Variants in DSCAML1 observed in about 807,000 individuals in gnomAD.
DSCAML1 encodes DS cell adhesion molecule like 1.
In DSCAML1, 38 loss-of-function variants were observed where a neutral mutation model predicts 200.5. That is an observed-to-expected ratio of 0.19 (90% CI 0.15 to 0.25). The LOEUF (loss-of-function observed/expected upper bound fraction) is 0.25, where lower values mean the gene tolerates loss of function less well. Ranked by LOEUF, DSCAML1 falls within the 10% of genes least tolerant of loss-of-function variation. DSCAML1 has a pLI of 1.00. For synonymous variants in DSCAML1, 1,215 were observed against 1,165.0 expected, an observed-to-expected ratio of 1.04 and a Z score of -0.87; for missense variants, 2,223 against 2,858.8, an observed-to-expected ratio of 0.78 and a Z score of 5.07.
chr11:117,750,036 T>C (rs956573432), intron 3 of DSCAML1, among the ~76,000 whole-genome samples: 4 of 152,214 alleles, frequency 2.6e-5, no homozygotes, highest in Non-Finnish European at 4.4e-5. Context: ...AAGGGTACCC[T>C]AGAAATTGGA....
intron 3 of DSCAML1, among the ~76,000 whole-genome samples, chr11:117,602,973 G>C (rs2051492834): frequency 6.6e-6 from 1 of 152,158 alleles, no homozygotes; most frequent in South Asian, 2.1e-4. Flanking sequence ...GCGTGAACCT[G>C]TAATCCCAGC....
At chr11:117,668,891 T>C (rs935474735) in intron 3 of DSCAML1, 2 of 152,150 alleles carry the variant, frequency 1.3e-5, no homozygotes, top group African/African-American at 2.4e-5. Context: ...TCAGTTTCAC[T>C]GTAGTGATAG....
chr11:117,810,189 G>A (rs894528122), intron 1 of DSCAML1, among the ~76,000 whole-genome samples: 3 of 151,872 alleles, frequency 2.0e-5, no homozygotes, highest in African/African-American at 7.3e-5. Flanking sequence ...TTCTGATAGA[G>A]ACAAAGGAGA....
chr11:117,744,573 G>A (rs999681011), intron 3 of DSCAML1, among the ~76,000 whole-genome samples: 3 of 152,186 alleles, frequency 2.0e-5, no homozygotes, highest in Non-Finnish European at 4.4e-5. Context: ...CCTCCTCTGC[G>A]TCCTGCCAGG....
chr11:117,446,285 A>G (rs1461068710), intron 20 of DSCAML1, among the ~76,000 whole-genome samples: 2 of 152,158 alleles, frequency 1.3e-5, no homozygotes, highest in African/African-American at 4.8e-5. Context: ...AATCGCTTGA[A>G]CCTGGGAGGT....
At chr11:117,486,911 CTTTTTT>C (rs56805170) in intron 11 of DSCAML1, among the ~76,000 whole-genome samples, 9 of 79,668 alleles carry the variant, frequency 1.1e-4, no homozygotes, top group East Asian at 4.2e-4. Context: ...TGTAAAATAC[CTTTTTT>C]TTTTTTTTTT....
At chr11:117,759,741 AAAG>A (rs57353377) in intron 3 of DSCAML1, among the ~76,000 whole-genome samples, 104,253 of 151,626 alleles carry the variant, frequency 0.69, 37,840 homozygotes, top group East Asian at 0.84. Flanking sequence ...AGCAGTGAAA[AAAG>A]AAGGCCTCGC....
At chr11:117,640,185 G>A (rs142123647) in intron 3 of DSCAML1, among the ~76,000 whole-genome samples, 47 of 152,192 alleles carry the variant, frequency 3.1e-4, no homozygotes, top group African/African-American at 9.9e-4. Context: ...TCCTTCCTCC[G>A]TTCTTCCTCA....
intron 3 of DSCAML1, among the ~76,000 whole-genome samples, chr11:117,644,245 C>T (rs1042337437): frequency 1.3e-5 from 2 of 152,260 alleles, no homozygotes; most frequent in African/African-American, 2.4e-5. Flanking sequence ...AAGCCTCCTC[C>T]GAGGAAACAA....
chr11:117,604,910 C>G (rs1402168301), intron 3 of DSCAML1, among the ~76,000 whole-genome samples: 15 of 152,294 alleles, frequency 9.8e-5, no homozygotes, highest in African/African-American at 3.6e-4. Context: ...CTGGGGATGG[C>G]CACTGCCTGG....
At chr11:117,468,534 C>G (rs2048627015) in intron 16 of DSCAML1, among the ~76,000 whole-genome samples, 2 of 152,268 alleles carry the variant, frequency 1.3e-5, no homozygotes, top group Non-Finnish European at 2.9e-5. Context: ...TGGAGTGTTT[C>G]TAGGATACAG....
At chr11:117,698,365 G>A (rs1166892773) in intron 3 of DSCAML1, among the ~76,000 whole-genome samples, 2 of 152,274 alleles carry the variant, frequency 1.3e-5, no homozygotes, top group East Asian at 3.9e-4. Context: ...GCCTTTAGCA[G>A]CTCCACTAAA....
At chr11:117,700,915 C>T (rs2053656119) in intron 3 of DSCAML1, among the ~76,000 whole-genome samples, 1 of 152,240 alleles carries the variant, frequency 6.6e-6, no homozygotes, top group South Asian at 2.1e-4. Context: ...CAAAGCATTT[C>T]AGGTCCTTCC....
intron 3 of DSCAML1, among the ~76,000 whole-genome samples, chr11:117,619,646 C>G (rs1287176286): frequency 6.6e-6 from 1 of 151,758 alleles, no homozygotes; most frequent in Non-Finnish European, 1.5e-5. Context: ...CATGTTGGTA[C>G]ACTTAAAGGG....
chr11:117,737,133 G>A (rs751099211), intron 3 of DSCAML1, among the ~76,000 whole-genome samples: 18 of 152,120 alleles, frequency 1.2e-4, no homozygotes, highest in Non-Finnish European at 2.4e-4. Flanking sequence ...GAAAGAACAC[G>A]GTCCTATGAA....
rs56805170 is a variant in DSCAML1 at position 117,486,911 on chromosome 11, C to CTTTTTTTTTTTTTTTT, written c.2360-4765_2360-4750dup. Among the ~76,000 whole-genome samples the CTTTTTTTTTTTTTTTT allele has an allele frequency of 1.1e-4, 9 of 79,666 alleles. 1 individual carries two copies. The highest frequency in any genetic ancestry group is 3.1e-4 in the African/African-American group (6 of 19,132). The allele number at this position is 79,666 out of a possible 152,430, so 52.3% of individuals were successfully genotyped here. ...GAAAAAAAAAAAGAATGTAAAATAC[C>CTTTTTTTTTTTTTTTT]TTTTTTTTTTTTTTTTTTTTTTTTT... On this transcript the variant is annotated intron_variant, in intron 11 of 32. Coordinates refer to ENST00000651296, the MANE Select transcript of DSCAML1 (RefSeq NM_020693.4).
In DSCAML1 at chr11:117,439,401, C is replaced by A. The variant is rs1313827727; in HGVS notation, c.4009G>T (p.Asp1337Tyr). The A allele has an allele frequency of 6.2e-7, 1 of 1,613,530 alleles. No individual in the cohort carries two copies. Among genetic ancestry groups the A allele is most frequent in the Non-Finnish European group, 8.5e-7 (1 of 1,179,920 alleles). Residue 1337 changes from aspartate (D) to tyrosine (Y), a missense_variant, in exon 23 of 33, where the codon GAT becomes TAT. Around this residue, in one of 7 missense-constraint regions of DSCAML1, gnomAD observed 614 missense variants for 739.1 expected, o/e 0.83. Transcript: ENST00000651296. ...TTGGTGTGGATGAGCCGGTGCCCAT[C>A]CATGGACACTGGAATGGCCGAGTCT... ...SEDSAIPVSM[D>Y]GHRLIHTNGT...
chr11:117,566,828 G>A (rs1487546364), intron 3 of DSCAML1, among the ~76,000 whole-genome samples: 1 of 150,940 alleles, frequency 6.6e-6, no homozygotes, highest in Non-Finnish European at 1.5e-5. Flanking sequence ...AATATGCGGT[G>A]TTTGGTTTTT....
intron 3 of DSCAML1, among the ~76,000 whole-genome samples, chr11:117,636,396 G>A (rs2052284176): frequency 6.6e-6 from 1 of 152,046 alleles, no homozygotes; most frequent in Admixed American, 6.6e-5. Context: ...CAACACCTGG[G>A]ACCCAGTAAC....
Sources: gnomAD v4.1 joint callset for allele counts (sites outside exome capture counted in the v4.1 genomes callset) on GRCh38, gnomAD v4.1.1 for gene constraint, gnomAD v4.1.1 regional missense constraint, MANE v1.5 for transcripts, NCBI Gene and HGNC (gene_info 2026-07-23, HGNC 2026-07-21) for gene names.